Variants in ERBB4 observed in about 807,000 individuals in gnomAD.
ERBB4 encodes receptor tyrosine-protein kinase erbB-4.
Under a neutral mutation model 158.0 loss-of-function variants are expected in ERBB4, and 42 were observed. The ratio of observed to expected loss-of-function variants is 0.27; its 90% confidence interval spans 0.21 to 0.34. The LOEUF (loss-of-function observed/expected upper bound fraction) is 0.34, where lower values mean the gene tolerates loss of function less well. Among genes scored for constraint, ERBB4 ranks in the 10% least tolerant of loss-of-function variants. The probability of loss-of-function intolerance (pLI) is 1.00; values close to 1 mark genes in which losing one functional copy is unlikely to be tolerated. For missense variants in ERBB4, 1,333 were observed against 1,624.1 expected, an observed-to-expected ratio of 0.82 and a Z score of 3.08; for synonymous variants, 583 against 558.7, an observed-to-expected ratio of 1.04 and a Z score of -0.61.
intron 1 of ERBB4, among the ~76,000 whole-genome samples, chr2:212,152,312 ATAAT>A (rs1200586248): frequency 6.6e-6 from 1 of 152,164 alleles, no homozygotes; most frequent in African/African-American, 2.4e-5. Flanking sequence ...AATTACTGTG[ATAAT>A]TAAATAAAAT....
At chr2:211,816,091 G>C (rs2076875567) in intron 3 of ERBB4, among the ~76,000 whole-genome samples, 1 of 152,116 alleles carries the variant, frequency 6.6e-6, no homozygotes, top group Non-Finnish European at 1.5e-5. Context: ...ATGGCCTGTT[G>C]TGAGACTTGC....
intron 1 of ERBB4, among the ~76,000 whole-genome samples, chr2:212,224,232 C>T (rs986869785): frequency 6.6e-6 from 1 of 151,888 alleles, no homozygotes; most frequent in South Asian, 2.1e-4. Context: ...TCTATATGAA[C>T]TTCATTGTTC....
At chr2:211,785,860 A>C (rs2076149469) in intron 4 of ERBB4, among the ~76,000 whole-genome samples, 1 of 152,152 alleles carries the variant, frequency 6.6e-6, no homozygotes, top group Non-Finnish European at 1.5e-5. Context: ...ATTGTAATTC[A>C]TTTTATGTAT....
chr2:211,553,729 TA>T (rs2067165000), intron 20 of ERBB4, among the ~76,000 whole-genome samples: 1 of 152,162 alleles, frequency 6.6e-6, no homozygotes. Flanking sequence ...ACTAACTTAT[TA>T]AAGTTCGCAC....
chr2:211,962,222 A>C (rs2081197899), intron 2 of ERBB4, among the ~76,000 whole-genome samples: 2 of 152,140 alleles, frequency 1.3e-5, no homozygotes, highest in African/African-American at 4.8e-5. Flanking sequence ...AAAAATAAGA[A>C]AAGACATAAA....
chr2:211,635,686 T>A (rs2070331313), intron 16 of ERBB4, among the ~76,000 whole-genome samples: 1 of 152,146 alleles, frequency 6.6e-6, no homozygotes, highest in African/African-American at 2.4e-5. Flanking sequence ...CTCTTTCTAT[T>A]TAATGTTATA....
chr2:211,734,418 G>A (rs780820499), intron 5 of ERBB4, among the ~76,000 whole-genome samples: 4 of 151,954 alleles, frequency 2.6e-5, no homozygotes, highest in Non-Finnish European at 4.4e-5. Context: ...TCAAATTTGT[G>A]TATGTAAATT....
intron 3 of ERBB4, among the ~76,000 whole-genome samples, chr2:211,901,783 TA>T (rs2125033538): frequency 6.6e-6 from 1 of 152,246 alleles, no homozygotes; most frequent in African/African-American, 2.4e-5. Context: ...AAACTCCAGT[TA>T]AAAATGGCAC....
intron 3 of ERBB4, among the ~76,000 whole-genome samples, chr2:211,858,076 A>G (rs1205887555): frequency 6.6e-6 from 1 of 152,222 alleles, no homozygotes; most frequent in South Asian, 2.1e-4. Context: ...ACTCATAGAC[A>G]AAGCTGCAGT....
intron 3 of ERBB4, among the ~76,000 whole-genome samples, chr2:211,893,886 G>A (rs1203850165): frequency 1.8e-5 from 1 of 56,584 alleles, no homozygotes; most frequent in Non-Finnish European, 3.3e-5. Context: ...AGTTAGAATG[G>A]CAATCATTAA....
intron 13 of ERBB4, 44 bp from the exon 14 acceptor site, chr2:211,673,301 G>T: frequency 7.2e-7 from 1 of 1,396,316 alleles, no homozygotes; most frequent in Non-Finnish European, 1.0e-6. Context: ...GCAAACAAGC[G>T]TCAACTTAAC....
chr2:211,494,829 C>G (rs904841060), intron 20 of ERBB4, among the ~76,000 whole-genome samples: 2 of 152,098 alleles, frequency 1.3e-5, no homozygotes, highest in South Asian at 2.1e-4. Flanking sequence ...CTCATGTGAA[C>G]CAGGATTCAC....
chr2:212,285,177 C>T (rs556000542), intron 1 of ERBB4, among the ~76,000 whole-genome samples: 36 of 152,080 alleles, frequency 2.4e-4, no homozygotes, highest in African/African-American at 4.8e-5. Context: ...TATAGACTTT[C>T]GCCAAAACAG....
rs555258388 is a variant in ERBB4 at position 212,102,567 on chromosome 2, A to AT, written c.234+22184dup. Among the ~76,000 whole-genome samples the AT allele has an allele frequency of 7.1e-4, 108 of 152,174 alleles. 1 individual carries two copies. Among genetic ancestry groups the AT allele is most frequent in the African/African-American group, 2.3e-3 (97 of 41,536 alleles). On this transcript the variant is annotated intron_variant, in intron 2 of 27. Transcript: ENST00000342788. ...GATATTCTTTCTAAAATGTCGTGTG[A>AT]TTTTTTAAACAATAGACATGGATAA...
At chr2:212,352,144 C>A (rs1383739541) in intron 1 of ERBB4, among the ~76,000 whole-genome samples, 1 of 151,702 alleles carries the variant, frequency 6.6e-6, no homozygotes, top group African/African-American at 2.4e-5. Flanking sequence ...AAGAGGAAGA[C>A]AACAAACACT....
At chr2:212,429,173 T>C (rs1325244935) in intron 1 of ERBB4, 1 of 152,204 alleles carries the variant, frequency 6.6e-6, no homozygotes, top group African/African-American at 2.4e-5. Flanking sequence ...GCAGCTTCCT[T>C]CAGAGCAGCA....
At position 212,348,147 on chromosome 2, in the gene ERBB4, G is replaced by A. The variant is rs181416846; in HGVS notation, c.82+190302C>T. On this transcript the variant is annotated intron_variant, in intron 1 of 27. Coordinates refer to ENST00000342788, the MANE Select transcript of ERBB4 (RefSeq NM_005235.3). Reference sequence around the variant, plus strand: ...AAAATGTCACAGGAAAAGGAAGATCGTGATAGTCTGTCATTGAAACTGAGC... The same window carrying A: ...AAAATGTCACAGGAAAAGGAAGATCATGATAGTCTGTCATTGAAACTGAGC... 1.3e-3 allele frequency among the ~76,000 whole-genome samples: 199 copies of A among 152,176 alleles called. 1 individual carries two copies. The highest frequency in any genetic ancestry group is 0.01 in the Middle Eastern group (3 of 294).
At chr2:211,505,036 T>A (rs1235177144) in intron 20 of ERBB4, among the ~76,000 whole-genome samples, 2 of 152,154 alleles carry the variant, frequency 1.3e-5, no homozygotes, top group Middle Eastern at 6.8e-3. Flanking sequence ...TTAGAAGGAA[T>A]AATTCAGAAA....
intron 20 of ERBB4, among the ~76,000 whole-genome samples, chr2:211,545,248 A>T (rs997603960): frequency 1.3e-5 from 2 of 152,060 alleles, no homozygotes; most frequent in African/African-American, 4.8e-5. Flanking sequence ...AAAAGAACAC[A>T]TCATAAGTAT....
Sources: gnomAD v4.1 joint callset for allele counts (sites outside exome capture counted in the v4.1 genomes callset) on GRCh38, gnomAD v4.1.1 for gene constraint, MANE v1.5 for transcripts, NCBI Gene and HGNC (gene_info 2026-07-23, HGNC 2026-07-21) for gene names.